ZNF841: variants seen among roughly 807,000 people sequenced by gnomAD.
ZNF841 encodes zinc finger protein 841.
A neutral mutation model predicts 13.0 loss-of-function variants in ZNF841; 11 were observed. The ratio of observed to expected loss-of-function variants is 0.85; its 90% CI spans 0.53 to 1.40. The LOEUF is 1.40. Among genes scored for constraint, ZNF841 ranks in the 40% most tolerant of loss-of-function variants. ZNF841 has a pLI of 0.00. For missense variants in ZNF841, 1,068 were observed against 1,139.5 expected (o/e 0.94, Z 0.90); for synonymous variants, 369 against 381.6 (o/e 0.97, Z 0.38).
intron 4 of ZNF841, among the ~76,000 whole-genome samples, chr19:52,083,492 C>A (rs1031095817): frequency 1.3e-5 from 2 of 150,052 alleles, no homozygotes; most frequent in African/African-American, 4.9e-5. Context: ...AATAAAAATT[C>A]TTTGTATTTC....
chr19:52,084,167 T>G (rs1052856585), intron 4 of ZNF841, among the ~76,000 whole-genome samples: 14 of 152,096 alleles, frequency 9.2e-5, no homozygotes, highest in Non-Finnish European at 1.5e-5. Context: ...GGGATGGATA[T>G]GCTGAGAATG....
At chr19:52,095,345 A>G (rs954774820) in intron 1 of ZNF841, among the ~76,000 whole-genome samples, 1 of 152,112 alleles carries the variant, frequency 6.6e-6, no homozygotes, top group Admixed American at 6.5e-5. Flanking sequence ...GGAGCCGGAC[A>G]GTGGGCGCTC....
rs1478776839 is a variant in ZNF841 at position 52,067,010 on chromosome 19, C to A, written c.872G>T (p.Cys291Phe). 1.9e-6 allele frequency: 3 copies of A among 1,613,922 alleles called. No individual in the cohort carries two copies. Among genetic ancestry groups the A allele is most frequent in the Non-Finnish European group, 2.5e-6 (3 of 1,179,980 alleles). ...ATGAAAGGCTTTACCAGACTCATTG[C>A]ATCTGTAAGGTTTCTCTGTAGTATG... ...MIHTTEKPYR[C>F]NESGKAFHRG... The change falls in exon 7 of 7, where the codon TGC becomes TTC. Residue 291 changes from cysteine (C) to phenylalanine (F), a missense_variant. Transcript: ENST00000594440.
In ZNF841 at chr19:52,065,082, T is replaced by C. The variant is rs781039204; in HGVS notation, c.*25A>G. 1.9e-5 allele frequency: 28 copies of C among 1,457,798 alleles called. No homozygotes were observed. Among genetic ancestry groups the C allele is most frequent in the African/African-American group, 8.6e-5 (6 of 69,972 alleles). The allele number at this position is 1,457,798 out of a possible 1,614,324, so 90.3% of individuals were successfully genotyped here. On this transcript the variant is annotated 3_prime_UTR_variant, in exon 7 of 7. Coordinates refer to ENST00000594440, the MANE Select transcript of ZNF841 (RefSeq NM_001136499.2). ...AGACTTCAAAGGGAAAGGACAAATA[T>C]ACAAGCTATATGAGTAAGTATAAAT...
At chr19:52,077,419 T>C (rs2087941739) in intron 4 of ZNF841, among the ~76,000 whole-genome samples, 1 of 152,184 alleles carries the variant, frequency 6.6e-6, no homozygotes, top group African/African-American at 2.4e-5. Context: ...TCTTCAGAGA[T>C]GACAATGTTC....
the ZNF841 span, chr19:52,058,770 T>C: frequency 6.5e-6 from 1 of 153,190 alleles, no homozygotes; most frequent in Non-Finnish European, 1.5e-5. Flanking sequence ...AAAATTTCTG[T>C]ATGAGGTTAT....
chr19:52,093,996 C>T (rs1266902073), intron 1 of ZNF841, 25 bp from the exon 2 acceptor site: 2 of 150,030 alleles, frequency 1.3e-5, no homozygotes. Flanking sequence ...GAGACCATGT[C>T]CCCCCCCAAA....
chr19:52,088,701 C>T (rs1343244738), intron 3 of ZNF841, among the ~76,000 whole-genome samples: 1 of 152,122 alleles, frequency 6.6e-6, no homozygotes, highest in African/African-American at 2.4e-5. Context: ...GCTTAATGTG[C>T]CCCGTGATGT....
intron 4 of ZNF841, among the ~76,000 whole-genome samples, chr19:52,083,843 C>G (rs2088182469): frequency 6.8e-6 from 1 of 147,850 alleles, no homozygotes; most frequent in African/African-American, 2.5e-5. Flanking sequence ...GCTTTTGTGG[C>G]AAAAACAGCT....
At position 52,065,278 on chromosome 19, in the gene ZNF841, T is replaced by A; in HGVS notation, c.2604A>T (p.Gln868His). 1 of 1,613,704 alleles carries A rather than the reference T, an allele frequency of 6.2e-7. No individual in the cohort carries two copies. Among genetic ancestry groups the A allele is most frequent in the South Asian group, 1.1e-5 (1 of 91,052 alleles). Reference protein sequence around the residue: ...FGRRSCLTKHQRIHSSEKPYK... With the variant: ...FGRRSCLTKHHRIHSSEKPYK... Reference sequence around the variant, plus strand: ...AAGGTTTTTCACTAGAATGAATTCGTTGGTGTTTAGTGAGGCAAGACCGCC... The same window carrying A: ...AAGGTTTTTCACTAGAATGAATTCGATGGTGTTTAGTGAGGCAAGACCGCC... The change falls in exon 7 of 7, where the codon CAA becomes CAT. Residue 868 changes from glutamine to histidine, a missense_variant. Transcript: ENST00000594440.
At chr19:52,091,968 G>C (rs930848542) in intron 2 of ZNF841, among the ~76,000 whole-genome samples, 5 of 152,178 alleles carry the variant, frequency 3.3e-5, no homozygotes, top group Non-Finnish European at 5.9e-5. Flanking sequence ...TGGCCAACAT[G>C]GTGAGACCCT....
Position 52,067,419 on chromosome 19 carries a change from C to T in ZNF841, c.463G>A (p.Gly155Arg). The T allele has an allele frequency of 6.5e-7, 1 of 1,548,116 alleles. No homozygotes were observed. The highest frequency in any genetic ancestry group is 1.2e-5 in the South Asian group (1 of 82,926). ...WKDGEINYKEGPMTHKNNLTG... is the reference protein window; with the variant it reads ...WKDGEINYKERPMTHKNNLTG... ...AGATTGTTTTTATGGGTCATCGGCC[C>T]TTCTTTATAATTTATTTCACCATCT... Residue 155 changes from glycine (G) to arginine (R), a missense_variant, in exon 7 of 7, where the codon GGG becomes AGG. Gly to Arg is a moderately radical substitution (Grantham distance 125). Coordinates refer to ENST00000594440, the MANE Select transcript of ZNF841 (RefSeq NM_001136499.2).
downstream of ZNF841, chr19:52,063,835 T>C (rs1433477937): frequency 3.3e-5 from 5 of 152,296 alleles, no homozygotes; most frequent in East Asian, 1.9e-4. Flanking sequence ...AGCACATACA[T>C]TTATACGATT....
At chr19:52,071,860 A>G (rs1044877391) in intron 6 of ZNF841, among the ~76,000 whole-genome samples, 4 of 152,224 alleles carry the variant, frequency 2.6e-5, no homozygotes, top group Admixed American at 2.0e-4. Flanking sequence ...ATCAGTAATT[A>G]CATTAAATGT....
intron 6 of ZNF841, 88 bp from the exon 7 acceptor site, chr19:52,067,698 T>C (rs913852779): frequency 1.1e-6 from 1 of 911,864 alleles, no homozygotes; most frequent in Non-Finnish European, 1.5e-6. Flanking sequence ...CTAAACATAA[T>C]GTTTATACTA....
chr19:52,073,177 CTT>C (rs976550388), intron 6 of ZNF841, among the ~76,000 whole-genome samples: 1 of 152,142 alleles, frequency 6.6e-6, no homozygotes, highest in Non-Finnish European at 1.5e-5. Flanking sequence ...ACTCCTATCT[CTT>C]GTCATATACA....
intron 3 of ZNF841, among the ~76,000 whole-genome samples, chr19:52,086,106 A>C (rs1187286194): frequency 4.6e-5 from 7 of 152,176 alleles, no homozygotes; most frequent in East Asian, 3.9e-4. Context: ...GAGAGGACAA[A>C]AGGACACAGA....
At position 52,065,943 on chromosome 19, in the gene ZNF841, G is replaced by A. The variant is rs1393953734; in HGVS notation, c.1939C>T (p.His647Tyr). Residue 647 changes from histidine (H) to tyrosine (Y), a missense_variant, in exon 7 of 7, where the codon CAT becomes TAT. His to Tyr is a moderately conservative substitution (Grantham distance 83). Transcript: ENST00000594440. ...CATTTATAAGGTTTCTCTCCGGTATGAATTTTCCGATGACGTGCTAGGCAT... is the reference window on the plus strand; with the variant it reads ...CATTTATAAGGTTTCTCTCCGGTATAAATTTTCCGATGACGTGCTAGGCAT... The part of the protein sequence containing the change: ...YSCLARHRKI[H>Y]TGEKPYKCND... 2.5e-6 allele frequency: 4 copies of A among 1,614,202 alleles called. No individual in the cohort carries two copies. The South Asian group carries it at 4.4e-5, about 18-fold the overall frequency.
At position 52,067,208 on chromosome 19, in the gene ZNF841, C is replaced by A. The variant is rs752690177; in HGVS notation, c.674G>T (p.Arg225Ile). ...NNCFLASPLQ[R>I]IFPGVQTNIS... Reference sequence around the variant, plus strand: ...GTTGGTTTGGACACCAGGAAAAATTCTTTGAAGTGGTGAAGCTAAAAAACA... The same window carrying A: ...GTTGGTTTGGACACCAGGAAAAATTATTTGAAGTGGTGAAGCTAAAAAACA... Residue 225 changes from arginine to isoleucine, a missense_variant, in exon 7 of 7, where the codon AGA becomes ATA. Coordinates refer to ENST00000594440, the MANE Select transcript of ZNF841 (RefSeq NM_001136499.2). 7.1e-6 allele frequency: 11 copies of A among 1,550,036 alleles called. No homozygotes were observed. The South Asian group carries it at 1.2e-4, about 17-fold the overall frequency.
Sources: allele counts gnomAD v4.1 joint callset (sites outside exome capture counted in the v4.1 genomes callset), GRCh38; gene constraint gnomAD v4.1.1; transcripts MANE v1.5; gene names NCBI Gene and HGNC (gene_info 2026-07-23, HGNC 2026-07-21).